Variants in TRAF3 observed in about 807,000 individuals in gnomAD.
The protein encoded by TRAF3 is TNF receptor-associated factor 3.
A neutral mutation model predicts 62.3 loss-of-function variants in TRAF3; 13 were observed. The ratio of observed to expected loss-of-function variants is 0.21; its 90% CI spans 0.14 to 0.33. The LOEUF is 0.33. Among genes scored for constraint, TRAF3 ranks in the 10% least tolerant of loss-of-function variants. TRAF3 has a pLI of 1.00. For synonymous variants in TRAF3, 269 were observed against 283.4 expected, an observed-to-expected ratio of 0.95 and a Z score of 0.51; for missense variants, 440 against 741.8, an observed-to-expected ratio of 0.59 and a Z score of 4.73.
intron 1 of TRAF3, among the ~76,000 whole-genome samples, chr14:102,778,692 A>G (rs919572129): frequency 2.1e-4 from 32 of 152,212 alleles, no homozygotes; most frequent in African/African-American, 7.2e-4. Context: ...TTCACGGCAT[A>G]CAACTGAAGA....
intron 2 of TRAF3, among the ~76,000 whole-genome samples, chr14:102,849,292 G>A (rs899745777): frequency 3.3e-5 from 5 of 152,182 alleles, no homozygotes; most frequent in African/African-American, 1.2e-4. Flanking sequence ...TGTGGCAGGC[G>A]TGACCTAGGG....
intron 1 of TRAF3, among the ~76,000 whole-genome samples, chr14:102,804,117 G>T (rs555452963): frequency 6.6e-6 from 1 of 152,116 alleles, no homozygotes; most frequent in African/African-American, 2.4e-5. Context: ...TTGAGCCCAG[G>T]AGGTCCATAC....
intron 5 of TRAF3, 144 bp from the exon 6 acceptor site, chr14:102,876,214 C>G (rs1595384783): frequency 2.5e-6 from 2 of 808,784 alleles, no homozygotes; most frequent in South Asian, 3.0e-5. Context: ...TCTTGGCATA[C>G]TTGTTACTCT....
chr14:102,837,502 A>G (rs563428382), intron 2 of TRAF3, among the ~76,000 whole-genome samples: 1 of 152,316 alleles, frequency 6.6e-6, no homozygotes, highest in African/African-American at 2.4e-5. Context: ...CGAGATCTTA[A>G]AATCTATTTT....
intron 7 of TRAF3, among the ~76,000 whole-genome samples, chr14:102,886,962 A>ACACATGCCGGGTGGAGGACAGCTCC: frequency 6.6e-6 from 1 of 152,240 alleles, no homozygotes; most frequent in Admixed American, 6.5e-5. Context: ...CATTTTGCTC[A>ACACATGCCGGGTGGAGGACAGCTCC]CACATGCCGG....
chr14:102,785,427 C>T (rs1168170663), intron 1 of TRAF3, among the ~76,000 whole-genome samples: 3 of 152,180 alleles, frequency 2.0e-5, no homozygotes, highest in Admixed American at 6.5e-5. Context: ...TCTCCTTTCT[C>T]TCTTAATTTA....
intron 2 of TRAF3, among the ~76,000 whole-genome samples, chr14:102,843,623 A>G (rs1453344825): frequency 6.6e-6 from 1 of 152,082 alleles, no homozygotes; most frequent in Non-Finnish European, 1.5e-5. Context: ...CAGGCGTGAG[A>G]CACTGCACTC....
intron 2 of TRAF3, among the ~76,000 whole-genome samples, chr14:102,863,527 C>T (rs1438276765): frequency 2.6e-5 from 4 of 152,192 alleles, no homozygotes; most frequent in Non-Finnish European, 5.9e-5. Context: ...TCGCTGCCTG[C>T]TTGCACAGAT....
rs567930139 is a variant in TRAF3, at chr14:102,825,774, G to A, written c.-156-4560G>A. Among the ~76,000 whole-genome samples the A allele has an allele frequency of 1.5e-3, 226 of 152,350 alleles. 2 individuals carry two copies. The highest frequency in any genetic ancestry group is 5.2e-3 in the African/African-American group (216 of 41,578). ...GTCAGAGTTCTTCTGGAACTTCTGT[G>A]GGGAGTGCCCAGAGTGGCACCTAAA... On this transcript the variant is annotated intron_variant, in intron 1 of 11. Coordinates refer to ENST00000392745, the MANE Select transcript of TRAF3 (RefSeq NM_145725.3).
Position 102,901,704 on chromosome 14 carries a change from T to C in TRAF3, c.961-1551T>C, listed in dbSNP as rs555273644. On this transcript the variant is annotated intron_variant, in intron 10 of 11. Coordinates refer to ENST00000392745, the MANE Select transcript of TRAF3 (RefSeq NM_145725.3). Reference sequence around the variant, plus strand: ...TTTAGAGGTTAACTAATATCATGTTTCTTGGAAAGAACAGGAAGAATAACA... The same window carrying C: ...TTTAGAGGTTAACTAATATCATGTTCCTTGGAAAGAACAGGAAGAATAACA... Among the ~76,000 whole-genome samples the C allele has an allele frequency of 1.1e-3, 165 of 152,364 alleles. 1 individual carries two copies. Among genetic ancestry groups the C allele is most frequent in the Non-Finnish European group, 2.0e-3 (134 of 68,042 alleles).
At chr14:102,806,805 G>A (rs972226765) in intron 1 of TRAF3, among the ~76,000 whole-genome samples, 3 of 152,112 alleles carry the variant, frequency 2.0e-5, no homozygotes, top group Non-Finnish European at 2.9e-5. Flanking sequence ...TCATTGTCCC[G>A]GACCTGCAGG....
At position 102,889,618 on chromosome 14, in the gene TRAF3, A is replaced by G; in HGVS notation, c.710A>G (p.Tyr237Cys). The change falls in exon 8 of 12, where the codon TAT (tyrosine) becomes TGT (cysteine). Residue 237 changes from tyrosine (Y) to cysteine (C), a missense_variant. Physicochemically the swap from Tyr to Cys is radical, Grantham distance 194 (BLOSUM62 -2). Around this residue, in one of 6 missense-constraint regions of TRAF3, gnomAD observed 255 missense variants for 424.1 expected, o/e 0.60. Transcript: ENST00000392745. Reference sequence around the variant, plus strand: ...CCCAGCACCTGTAGTTTTAAGCGCTATGGCTGCGTTTTTCAGGTCAGTATC... The same window carrying G: ...CCCAGCACCTGTAGTTTTAAGCGCTGTGGCTGCGTTTTTCAGGTCAGTATC... ...NAPSTCSFKRYGCVFQGTNQQ... is the reference protein window; with the variant it reads ...NAPSTCSFKRCGCVFQGTNQQ... The G allele has an allele frequency of 6.2e-7, 1 of 1,614,204 alleles. No homozygotes were observed. Among genetic ancestry groups the G allele is most frequent in the Non-Finnish European group, 8.5e-7 (1 of 1,180,024 alleles).
chr14:102,814,149 A>C (rs981423594), intron 1 of TRAF3, among the ~76,000 whole-genome samples: 2 of 152,200 alleles, frequency 1.3e-5, no homozygotes, highest in African/African-American at 4.8e-5. Flanking sequence ...TAATTTTCAC[A>C]GCACCATTTG....
intron 10 of TRAF3, 126 bp downstream of exon 10, chr14:102,897,527 T>G (rs1890065598): frequency 1.6e-6 from 2 of 1,286,878 alleles, no homozygotes; most frequent in African/African-American, 3.0e-5. Flanking sequence ...GCAACTGATT[T>G]CTCTGGCCTA....
intron 1 of TRAF3, among the ~76,000 whole-genome samples, chr14:102,829,418 G>T (rs1049361729): frequency 6.6e-6 from 1 of 152,180 alleles, no homozygotes; most frequent in African/African-American, 2.4e-5. Context: ...TTGGTCTCTT[G>T]GTTCCTGGCA....
chr14:102,866,556 T>C (rs1467490396), intron 2 of TRAF3, among the ~76,000 whole-genome samples: 2 of 152,154 alleles, frequency 1.3e-5, no homozygotes, highest in East Asian at 3.9e-4. Flanking sequence ...ATTAAAAAAA[T>C]GACACCACCA....
At chr14:102,789,001 T>A (rs1897648995) in intron 1 of TRAF3, among the ~76,000 whole-genome samples, 1 of 152,016 alleles carries the variant, frequency 6.6e-6, no homozygotes, top group Admixed American at 6.6e-5. Context: ...TTCATCCCCC[T>A]TTACCCATTA....
At chr14:102,802,705 G>T (rs1343207320) in intron 1 of TRAF3, among the ~76,000 whole-genome samples, 1 of 151,760 alleles carries the variant, frequency 6.6e-6, no homozygotes, top group African/African-American at 2.4e-5. Flanking sequence ...GCGGGCGCCT[G>T]TAATCCCAGC....
At chr14:102,902,689 G>A (rs896539139) in intron 10 of TRAF3, among the ~76,000 whole-genome samples, 10 of 152,194 alleles carry the variant, frequency 6.6e-5, no homozygotes, top group South Asian at 2.1e-4. Context: ...TTGTGGCCCC[G>A]CACAGGTGCT....
Sources: allele counts gnomAD v4.1 joint callset (sites outside exome capture counted in the v4.1 genomes callset), GRCh38; gene constraint gnomAD v4.1.1; regional missense constraint gnomAD v4.1.1; transcripts MANE v1.5; gene names NCBI Gene and HGNC (gene_info 2026-07-23, HGNC 2026-07-21).